The following CCDC12 variants were observed in gnomAD, a reference collection of about 807,000 sequenced individuals.
The protein encoded by CCDC12 is coiled-coil domain-containing protein 12.
Under a neutral mutation model 25.7 loss-of-function variants are expected in CCDC12, and 28 were observed. The observed-to-expected ratio is 1.09, with a 90% CI of 0.81 to 1.50. The LOEUF is 1.50. CCDC12 is among the 40% of genes most tolerant of loss of function. The probability of loss-of-function intolerance (pLI) is 0.00; values close to 1 mark genes in which losing one functional copy is unlikely to be tolerated. For synonymous variants in CCDC12, 75 were observed against 87.7 expected (o/e 0.86, Z 0.81); for missense variants, 198 against 210.0 (o/e 0.94, Z 0.35).
At position 46,922,760 on chromosome 3, in the gene CCDC12, T is replaced by C. The variant is rs530724079; in HGVS notation, c.342-448A>G. ...TGGGTTTCCCAGGACATATGCCCCA[T>C]GCTTTTGTTTCATCAAATTAAAACA... On this transcript the variant is annotated intron_variant, in intron 5 of 6. Transcript: ENST00000683445. The C allele has an allele frequency of 1.4e-4, 31 of 219,636 alleles. No homozygotes were observed. The South Asian group carries it at 2.3e-3, about 17-fold the overall frequency. The allele number at this position is 219,636 out of a possible 1,614,324, so 13.6% of individuals were successfully genotyped here.
intron 1 of CCDC12, among the ~76,000 whole-genome samples, chr3:46,948,277 C>G (rs2033982495): frequency 6.6e-6 from 1 of 152,216 alleles, no homozygotes; most frequent in African/African-American, 2.4e-5. Flanking sequence ...TAGCTAAGAG[C>G]CACTGCTCTC....
At chr3:46,937,830 T>C (rs1442788749) in intron 2 of CCDC12, among the ~76,000 whole-genome samples, 2 of 152,224 alleles carry the variant, frequency 1.3e-5, no homozygotes, top group Non-Finnish European at 1.5e-5. Context: ...ACCAATGTTC[T>C]AATCTGCCTT....
chr3:46,933,745 C>T (rs536338138), intron 2 of CCDC12, among the ~76,000 whole-genome samples: 3 of 152,258 alleles, frequency 2.0e-5, no homozygotes, highest in Non-Finnish European at 4.4e-5. Flanking sequence ...AATCATGGTA[C>T]TCTCAAAGAA....
chr3:46,976,305 G>A lies in CCDC12; in HGVS notation c.96+332C>T. The A allele has an allele frequency of 3.3e-6, 4 of 1,213,008 alleles. No homozygotes were observed. In the South Asian group the frequency reaches 6.1e-5, roughly 18 times the overall value. The allele number at this position is 1,213,008 out of a possible 1,614,324, so 75.1% of individuals were successfully genotyped here. ...GCCATAGAGGAACGGAACAAATCAC[G>A]CCTAACCCAACAAGCATCTGAACCT... On this transcript the variant is annotated intron_variant, in intron 1 of 6. Transcript: ENST00000683445.
chr3:46,947,287 G>A (rs1480872476), intron 1 of CCDC12, among the ~76,000 whole-genome samples: 2 of 152,236 alleles, frequency 1.3e-5, no homozygotes, highest in Admixed American at 1.3e-4. Flanking sequence ...AAGGTGACAG[G>A]AAGAGACAGA....
intron 1 of CCDC12, among the ~76,000 whole-genome samples, chr3:46,951,826 T>TAA (rs2034141250): frequency 2.8e-5 from 1 of 35,716 alleles, no homozygotes; most frequent in Non-Finnish European, 7.3e-5. Context: ...TATATATACT[T>TAA]AATGAGGATC....
intron 1 of CCDC12, among the ~76,000 whole-genome samples, chr3:46,972,112 C>T (rs888939870): frequency 1.3e-4 from 20 of 152,152 alleles, no homozygotes; most frequent in African/African-American, 2.7e-4. Flanking sequence ...ACTAAAAATA[C>T]ATGCAACAAA....
intron 1 of CCDC12, among the ~76,000 whole-genome samples, chr3:46,942,359 TA>T (rs2033744427): frequency 6.6e-6 from 1 of 152,224 alleles, no homozygotes; most frequent in South Asian, 2.1e-4. Context: ...CTCACTTCAC[TA>T]TGGCAGCGTC....
intron 1 of CCDC12, among the ~76,000 whole-genome samples, chr3:46,975,828 T>C: frequency 7.7e-6 from 1 of 129,932 alleles, no homozygotes; most frequent in East Asian, 2.5e-4. Context: ...CCCGGCTAAA[T>C]CTTTTATTTT....
intron 1 of CCDC12, among the ~76,000 whole-genome samples, chr3:46,962,718 G>GA (rs1057229371): frequency 1.3e-5 from 2 of 152,246 alleles, no homozygotes; most frequent in East Asian, 1.9e-4. Context: ...TGGCTAACAT[G>GA]AAAAAAACTA....
intron 1 of CCDC12, among the ~76,000 whole-genome samples, chr3:46,959,784 C>T (rs372130026): frequency 1.3e-5 from 2 of 152,296 alleles, no homozygotes; most frequent in East Asian, 1.9e-4. Context: ...GCCTGTTCTG[C>T]TCCTGCCCCT....
At chr3:46,962,612 G>A (rs2034497353) in intron 1 of CCDC12, among the ~76,000 whole-genome samples, 1 of 151,944 alleles carries the variant, frequency 6.6e-6, no homozygotes, top group Non-Finnish European at 1.5e-5. Context: ...ACATGAACAG[G>A]CACTTCACAT....
At chr3:46,922,672 G>A in intron 5 of CCDC12, 1 of 355,946 alleles carries the variant, frequency 2.8e-6, no homozygotes, top group South Asian at 3.1e-5. Context: ...CCAGCCACCG[G>A]CCCAGCCCCT....
chr3:46,976,450 G>A, intron 1 of CCDC12, 187 bp downstream of exon 1: 7 of 1,424,156 alleles, frequency 4.9e-6, no homozygotes, highest in Admixed American at 2.9e-5. Context: ...ACCAGCGCCA[G>A]AGGAGTCCCA....
At chr3:46,928,685 C>G (rs774650888) in intron 2 of CCDC12, among the ~76,000 whole-genome samples, 20 of 152,140 alleles carry the variant, frequency 1.3e-4, no homozygotes, top group Non-Finnish European at 2.2e-4. Flanking sequence ...AGTTAAGAAG[C>G]CTTCAAGAGA....
upstream of CCDC12, chr3:46,977,141 C>T (rs1384065970): frequency 5.5e-6 from 1 of 180,600 alleles, no homozygotes; most frequent in East Asian, 1.6e-4. Context: ...CCTGACTCAT[C>T]CTTGTCCACT....
At chr3:46,960,454 G>A (rs1284219362) in intron 1 of CCDC12, among the ~76,000 whole-genome samples, 2 of 152,176 alleles carry the variant, frequency 1.3e-5, no homozygotes, top group African/African-American at 2.4e-5. Context: ...ATCTAGTGGT[G>A]CCCTGCCCTG....
At position 46,922,301 on chromosome 3, in the gene CCDC12, C is replaced by T; in HGVS notation, c.353G>A (p.Arg118Lys). ...TTTCTCCAGCTTCTTGGCCACATCT[C>T]TCTTGAGGTCCCTGGAGCAGGGAGG... ...APRKPDWDLK[R>K]DVAKKLEKLK... Residue 118 changes from arginine to lysine, a missense_variant, in exon 6 of 7, where the codon AGA (arginine) becomes AAA (lysine). Transcript: ENST00000683445. 1 of 1,614,250 alleles carries T rather than the reference C, an allele frequency of 6.2e-7. No individual in the cohort carries two copies. The highest frequency in any genetic ancestry group is 8.5e-7 in the Non-Finnish European group (1 of 1,180,044).
intron 2 of CCDC12, among the ~76,000 whole-genome samples, chr3:46,934,638 C>T (rs1420588528): frequency 6.6e-6 from 1 of 152,182 alleles, no homozygotes; most frequent in East Asian, 1.9e-4. Flanking sequence ...GGGAGGTGCC[C>T]GGTGCCAGCA....
Sources: gnomAD v4.1 joint callset for allele counts (sites outside exome capture counted in the v4.1 genomes callset) on GRCh38, gnomAD v4.1.1 for gene constraint, MANE v1.5 for transcripts, NCBI Gene and HGNC (gene_info 2026-07-23, HGNC 2026-07-21) for gene names.